The following CSMD1 variants were observed in gnomAD, a reference collection of about 807,000 sequenced individuals.
The protein encoded by CSMD1 is CUB and Sushi multiple domains 1, also known as CUB and sushi domain-containing protein 1.
A neutral mutation model predicts 417.5 loss-of-function variants in CSMD1; 213 were observed. That is an observed-to-expected ratio of 0.51 (90% CI 0.46 to 0.57). The LOEUF (loss-of-function observed/expected upper bound fraction) is 0.57, where lower values mean the gene tolerates loss of function less well. Among genes scored for constraint, CSMD1 ranks in the 20% least tolerant of loss-of-function variants. CSMD1 has a pLI of 0.00. For synonymous variants in CSMD1, 2,862 were observed against 1,736.8 expected (o/e 1.65, Z -16.11); for missense variants, 6,923 against 4,529.7 (o/e 1.53, Z -15.17).
intron 2 of CSMD1, among the ~76,000 whole-genome samples, chr8:4,498,557 G>T (rs368833204): frequency 1.3e-5 from 2 of 152,058 alleles, no homozygotes; most frequent in African/African-American, 4.8e-5. Flanking sequence ...GTCCAGACTC[G>T]TACTGAAACT....
At chr8:4,314,162 C>T (rs1367250721) in intron 3 of CSMD1, among the ~76,000 whole-genome samples, 3 of 152,096 alleles carry the variant, frequency 2.0e-5, no homozygotes, top group Non-Finnish European at 2.9e-5. Flanking sequence ...AGTCTAAAGG[C>T]TTAAAAGCAT....
intron 3 of CSMD1, among the ~76,000 whole-genome samples, chr8:4,183,927 A>C (rs1005918413): frequency 6.6e-6 from 1 of 152,128 alleles, no homozygotes; most frequent in Non-Finnish European, 1.5e-5. Context: ...ACCACATGAT[A>C]GTCTGGGAAA....
At chr8:3,813,947 G>A (rs547620560) in intron 5 of CSMD1, among the ~76,000 whole-genome samples, 1 of 152,296 alleles carries the variant, frequency 6.6e-6, no homozygotes, top group South Asian at 2.1e-4. Context: ...TCTTTTCTGA[G>A]AAATGTAAGA....
chr8:4,172,410 G>C (rs999280881), intron 3 of CSMD1, among the ~76,000 whole-genome samples: 2 of 152,010 alleles, frequency 1.3e-5, no homozygotes, highest in Admixed American at 6.6e-5. Context: ...TGGGTCTCAT[G>C]GCTCCCGCGT....
At chr8:4,373,295 G>C (rs111569951) in intron 3 of CSMD1, among the ~76,000 whole-genome samples, 15 of 151,970 alleles carry the variant, frequency 9.9e-5, no homozygotes, top group African/African-American at 3.1e-4. Flanking sequence ...GGGACAGAAA[G>C]GGAACATTAG....
chr8:4,109,692 C>T (rs943794457), intron 3 of CSMD1, among the ~76,000 whole-genome samples: 2 of 152,136 alleles, frequency 1.3e-5, no homozygotes, highest in Non-Finnish European at 2.9e-5. Flanking sequence ...TCAAGATACT[C>T]CGAGGCATAT....
At chr8:3,342,929 A>G (rs1400701662) in intron 23 of CSMD1, among the ~76,000 whole-genome samples, 2 of 150,954 alleles carry the variant, frequency 1.3e-5, no homozygotes, top group Non-Finnish European at 3.0e-5. Flanking sequence ...TTCAAAGTCT[A>G]TTACCTCCGG....
intron 7 of CSMD1, chr8:3,702,227 T>C (rs1167059729): frequency 2.0e-5 from 3 of 152,236 alleles, no homozygotes; most frequent in African/African-American, 7.2e-5. Flanking sequence ...CAAAGTGTTG[T>C]AACTGCAAAT....
chr8:3,722,983 A>G (rs1348120274), intron 6 of CSMD1, among the ~76,000 whole-genome samples: 1 of 152,150 alleles, frequency 6.6e-6, no homozygotes, highest in Non-Finnish European at 1.5e-5. Flanking sequence ...GCATTTTATC[A>G]TTTCCCAATT....
At chr8:4,242,375 G>A (rs1395250548) in intron 3 of CSMD1, among the ~76,000 whole-genome samples, 2 of 152,100 alleles carry the variant, frequency 1.3e-5, no homozygotes, top group Admixed American at 6.5e-5. Context: ...AGCTGTAAAT[G>A]AGAGAAGAAA....
At chr8:4,023,019 T>A (rs1249625946) in intron 4 of CSMD1, among the ~76,000 whole-genome samples, 4 of 152,218 alleles carry the variant, frequency 2.6e-5, no homozygotes, top group African/African-American at 9.6e-5. Context: ...ATCCGTGTTT[T>A]TCTTCTTCCT....
intron 10 of CSMD1, among the ~76,000 whole-genome samples, chr8:3,574,319 C>G (rs768162807): frequency 6.6e-6 from 1 of 152,230 alleles, no homozygotes; most frequent in Non-Finnish European, 1.5e-5. Flanking sequence ...TGGCCCACTT[C>G]AAGCTCTGCC....
intron 1 of CSMD1, among the ~76,000 whole-genome samples, chr8:4,714,161 G>T (rs923487433): frequency 1.3e-5 from 2 of 151,530 alleles, no homozygotes; most frequent in Non-Finnish European, 2.9e-5. Context: ...AAAAAAAAAA[G>T]AATACCTTGT....
intron 5 of CSMD1, among the ~76,000 whole-genome samples, chr8:3,930,246 T>A (rs1248339220): frequency 6.6e-6 from 1 of 150,376 alleles, no homozygotes; most frequent in African/African-American, 2.5e-5. Flanking sequence ...CTTCAAAGAC[T>A]TTCCTCCCCA....
At chr8:3,452,561 T>A (rs923839631) in intron 12 of CSMD1, among the ~76,000 whole-genome samples, 8 of 152,228 alleles carry the variant, frequency 5.3e-5, no homozygotes, top group Non-Finnish European at 8.8e-5. Context: ...CTTTTCTGCA[T>A]CTATTGAGAT....
At chr8:3,981,424 A>G (rs1303083708) in intron 5 of CSMD1, among the ~76,000 whole-genome samples, 2 of 150,356 alleles carry the variant, frequency 1.3e-5, no homozygotes, top group Non-Finnish European at 3.0e-5. Flanking sequence ...GTGCACCAGG[A>G]TCTCACAAAT....
intron 7 of CSMD1, among the ~76,000 whole-genome samples, chr8:3,627,274 G>C (rs938619969): frequency 3.3e-5 from 5 of 152,108 alleles, no homozygotes; most frequent in African/African-American, 1.2e-4. Context: ...TGCCCATTTT[G>C]AAAATACCTA....
intron 8 of CSMD1, among the ~76,000 whole-genome samples, chr8:3,610,331 G>C (rs1389958149): frequency 6.6e-6 from 1 of 152,126 alleles, no homozygotes; most frequent in South Asian, 2.1e-4. Context: ...CCAGGAGTTA[G>C]AAACCAGCCT....
intron 11 of CSMD1, among the ~76,000 whole-genome samples, chr8:3,484,951 C>T (rs1268227728): frequency 6.6e-6 from 1 of 151,804 alleles, no homozygotes; most frequent in Non-Finnish European, 1.5e-5. Flanking sequence ...ATGAGGACCA[C>T]TTAACATCAT....
Sources: allele counts gnomAD v4.1 joint callset (sites outside exome capture counted in the v4.1 genomes callset), GRCh38; gene constraint gnomAD v4.1.1; transcripts MANE v1.5; gene names NCBI Gene and HGNC (gene_info 2026-07-23, HGNC 2026-07-21).